The following CNTN5 variants were observed in gnomAD, a reference collection of about 807,000 sequenced individuals.
The protein encoded by CNTN5 is contactin 5, also known as contactin-5.
Under a neutral mutation model 129.1 loss-of-function variants are expected in CNTN5, and 77 were observed. The ratio of observed to expected loss-of-function variants is 0.60; its 90% CI spans 0.50 to 0.72. The LOEUF is 0.72. Ranked by LOEUF, CNTN5 falls within the 30% of genes least tolerant of loss-of-function variation. CNTN5 has a pLI of 0.00. For synonymous variants in CNTN5, 509 were observed against 465.6 expected (o/e 1.09, Z -1.20); for missense variants, 1,478 against 1,328.8 (o/e 1.11, Z -1.75).
intron 6 of CNTN5, among the ~76,000 whole-genome samples, chr11:99,885,398 A>G (rs1052961390): frequency 2.0e-5 from 3 of 152,180 alleles, no homozygotes; most frequent in African/African-American, 7.2e-5. Flanking sequence ...CAAAGAAACC[A>G]CACAACTTGG....
chr11:99,575,085 A>G (rs1300957289), intron 3 of CNTN5, among the ~76,000 whole-genome samples: 2 of 152,148 alleles, frequency 1.3e-5, no homozygotes, highest in East Asian at 3.9e-4. Context: ...ATCTTCTTAC[A>G]TATTCTAATG....
chr11:99,876,341 A>G (rs1435694998), intron 6 of CNTN5, among the ~76,000 whole-genome samples: 2 of 151,998 alleles, frequency 1.3e-5, no homozygotes, highest in Non-Finnish European at 2.9e-5. Context: ...CTTTGTACTG[A>G]TATATGCCCC....
intron 7 of CNTN5, among the ~76,000 whole-genome samples, chr11:99,951,778 G>T (rs1950683310): frequency 6.6e-6 from 1 of 151,920 alleles, no homozygotes; most frequent in African/African-American, 2.4e-5. Context: ...CCAACAACAA[G>T]CATCCTCTCT....
At chr11:99,041,484 C>T (rs902819334) in intron 1 of CNTN5, among the ~76,000 whole-genome samples, 1 of 152,150 alleles carries the variant, frequency 6.6e-6, no homozygotes, top group Non-Finnish European at 1.5e-5. Context: ...TCACTGAAAA[C>T]AATTTAACTC....
chr11:99,257,979 A>C (rs898624542), intron 1 of CNTN5, among the ~76,000 whole-genome samples: 1 of 152,052 alleles, frequency 6.6e-6, no homozygotes, highest in African/African-American at 2.4e-5. Flanking sequence ...CAGGGATAGA[A>C]GGGAAATTTA....
intron 1 of CNTN5, among the ~76,000 whole-genome samples, chr11:99,230,489 A>G (rs1650194202): frequency 6.6e-6 from 1 of 152,036 alleles, no homozygotes; most frequent in Admixed American, 6.6e-5. Flanking sequence ...CTGTGTTTTT[A>G]TTTGTTTAAC....
chr11:99,272,121 C>T (rs1863201933), intron 1 of CNTN5, among the ~76,000 whole-genome samples: 1 of 151,894 alleles, frequency 6.6e-6, no homozygotes, highest in Non-Finnish European at 1.5e-5. Flanking sequence ...GATTTGTTCA[C>T]AAGAAAACTG....
intron 3 of CNTN5, among the ~76,000 whole-genome samples, chr11:99,806,184 C>G (rs1023753869): frequency 6.6e-6 from 1 of 152,142 alleles, no homozygotes; most frequent in Admixed American, 6.5e-5. Context: ...CTTTCTCCCT[C>G]CAATGACAAA....
intron 2 of CNTN5, among the ~76,000 whole-genome samples, chr11:99,334,747 T>C (rs564451632): frequency 6.6e-6 from 1 of 152,132 alleles, no homozygotes; most frequent in Non-Finnish European, 1.5e-5. Context: ...ATGTAAAATA[T>C]TTTATTAATA....
intron 13 of CNTN5, among the ~76,000 whole-genome samples, chr11:100,134,779 A>G (rs989229310): frequency 6.6e-6 from 1 of 152,112 alleles, no homozygotes; most frequent in Non-Finnish European, 1.5e-5. Context: ...CATTTTCCCA[A>G]AAGCTTTCCA....
chr11:100,244,319 A>G (rs185605794), intron 16 of CNTN5, among the ~76,000 whole-genome samples: 1 of 152,188 alleles, frequency 6.6e-6, no homozygotes, highest in African/African-American at 2.4e-5. Flanking sequence ...GCCCAGAGCA[A>G]CTGTTTTCTT....
At chr11:100,253,634 G>A (rs981505435) in intron 16 of CNTN5, among the ~76,000 whole-genome samples, 1 of 152,042 alleles carries the variant, frequency 6.6e-6, no homozygotes, top group African/African-American at 2.4e-5. Flanking sequence ...TATTGTAGAT[G>A]CTCCTCTACA....
chr11:99,635,125 C>G (rs761509416), intron 3 of CNTN5, among the ~76,000 whole-genome samples: 15 of 152,140 alleles, frequency 9.9e-5, no homozygotes, highest in Non-Finnish European at 1.6e-4. Context: ...TTTTCACTTG[C>G]TATAATTGCT....
At chr11:99,932,660 TA>T (rs1039306827) in intron 7 of CNTN5, among the ~76,000 whole-genome samples, 2 of 152,194 alleles carry the variant, frequency 1.3e-5, no homozygotes, top group Non-Finnish European at 2.9e-5. Flanking sequence ...TTCAAAATTT[TA>T]CATGTATATG....
intron 3 of CNTN5, among the ~76,000 whole-genome samples, chr11:99,617,068 G>A (rs1483387053): frequency 1.3e-5 from 2 of 152,206 alleles, no homozygotes; most frequent in Non-Finnish European, 2.9e-5. Flanking sequence ...CCAAGATTGT[G>A]CCATTGCACT....
rs888512881 is a variant in CNTN5, at chr11:99,461,758, G to A, written c.-70-94387G>A. Among the ~76,000 whole-genome samples, 9 of 151,880 alleles carry A rather than the reference G, an allele frequency of 5.9e-5. 1 individual carries two copies. The highest frequency in any genetic ancestry group is 2.2e-4 in the African/African-American group (9 of 41,336). The stretch of plus-strand genomic sequence containing the variant: ...AAAGTATAAACTCTTTTCCATGTCT[G>A]AATATTCTGCTAAAGTGCTAACACT... On this transcript the variant is annotated intron_variant, in intron 2 of 24. Transcript: ENST00000524871.
intron 1 of CNTN5, among the ~76,000 whole-genome samples, chr11:99,145,005 A>T (rs1859707304): frequency 6.6e-6 from 1 of 152,040 alleles, no homozygotes; most frequent in South Asian, 2.1e-4. Context: ...TTATGTTGGT[A>T]TCTGCACATC....
At chr11:100,303,804 A>G (rs1951285721) in intron 20 of CNTN5, among the ~76,000 whole-genome samples, 4 of 151,664 alleles carry the variant, frequency 2.6e-5, no homozygotes, top group Admixed American at 2.0e-4. Flanking sequence ...ATTTATGTGA[A>G]CTTGAAAATT....
Position 99,922,922 on chromosome 11 carries a change from A to G in CNTN5, c.673+6773A>G, listed in dbSNP as rs115216872. ...CAGCCTTCTGGTATTAGCTCATTGT[A>G]TCCTATATTCATGACAGATATTTGG... On this transcript the variant is annotated intron_variant, in intron 7 of 24. Coordinates refer to ENST00000524871, the MANE Select transcript of CNTN5 (RefSeq NM_014361.4). Among the ~76,000 whole-genome samples the G allele has an allele frequency of 6.6e-3, 1,004 of 152,290 alleles. 11 individuals carry two copies. Among genetic ancestry groups the G allele is most frequent in the African/African-American group, 0.022 (911 of 41,578 alleles).
Sources: gnomAD v4.1 joint callset for allele counts (sites outside exome capture counted in the v4.1 genomes callset) on GRCh38, gnomAD v4.1.1 for gene constraint, MANE v1.5 for transcripts, NCBI Gene and HGNC (gene_info 2026-07-23, HGNC 2026-07-21) for gene names.